Variants in PLXND1 observed in about 807,000 individuals in gnomAD.
PLXND1 encodes plexin D1.
PLXND1 carries 54 observed loss-of-function variants against 197.7 expected under a neutral mutation model. The ratio of observed to expected loss-of-function variants is 0.27; its 90% confidence interval spans 0.22 to 0.34. The LOEUF (loss-of-function observed/expected upper bound fraction) is 0.34. Among genes scored for constraint, PLXND1 ranks in the 10% least tolerant of loss-of-function variants. The pLI, the probability that PLXND1 is intolerant of heterozygous loss-of-function variation, is 1.00. For synonymous variants in PLXND1, 1,180 were observed against 1,161.2 expected, an observed-to-expected ratio of 1.02 and a Z score of -0.33; for missense variants, 2,127 against 2,699.2, an observed-to-expected ratio of 0.79 and a Z score of 4.70.
chr3:129,557,280 C>T lies in PLXND1; in HGVS notation c.5446-57G>A, dbSNP rs2084988697. ...CTGCTGGAGAAAGGACGGATCTGGTCGTTTTCTGGATGAGCCCTCATCCCT... is the reference window on the plus strand; with the variant it reads ...CTGCTGGAGAAAGGACGGATCTGGTTGTTTTCTGGATGAGCCCTCATCCCT... On this transcript the variant is annotated intron_variant, in intron 33 of 35. Transcript: ENST00000324093. This position sits in a 1 kb window ranked among gnomAD's most constrained non-coding sequence, Gnocchi z 4.8. 18 of 1,602,234 alleles carry T rather than the reference C, an allele frequency of 1.1e-5. No individual in the cohort carries two copies. Among genetic ancestry groups the T allele is most frequent in the South Asian group, 5.5e-5 (5 of 90,178 alleles).
chr3:129,559,404 C>T (rs1443069030), intron 32 of PLXND1: 4 of 499,150 alleles, frequency 8.0e-6, no homozygotes, highest in Non-Finnish European at 1.4e-5. Context: ...GGGCACTCTT[C>T]TAGTTAATTC....
rs1294443260 is a variant in PLXND1 at position 129,572,686 on chromosome 3, G to C, written c.3000C>G (p.Thr1000=). Residue 1000 remains threonine, a synonymous_variant, in exon 15 of 36, where the codon ACC becomes ACG. Coordinates refer to ENST00000324093, the MANE Select transcript of PLXND1 (RefSeq NM_015103.3). The stretch of plus-strand genomic sequence containing the variant: ...CTACATGGAGGTCATTCCCATGGAT[G>C]GTGATCCTGGTGCCCCCGGCCTTGG... ...MGPKAGGTRI[T]IHGNDLHVGS... The C allele has an allele frequency of 6.2e-7, 1 of 1,605,856 alleles. No homozygotes were observed. The highest frequency in any genetic ancestry group is 8.5e-7 in the Non-Finnish European group (1 of 1,175,542).
intron 2 of PLXND1, 41 bp downstream of exon 2, chr3:129,589,310 T>TGCCCCCCCCCC: frequency 4.0e-6 from 2 of 501,294 alleles, no homozygotes; most frequent in East Asian, 5.1e-5. Flanking sequence ...CAGGGGAGCC[T>TGCCCCCCCCCC]CCCACCCCCA....
chr3:129,566,014 G>A lies in PLXND1; in HGVS notation c.4195C>T (p.Pro1399Ser). ...TCCATGTTGGGCCGGCAGCTCTCAG[G>A]AATCTGTGGAAGCAACTGGTGATGG... ...THPLLGEWKI[P>S]ESCRPNMEEG... The change falls in exon 24 of 36, where the codon CCT becomes TCT. Residue 1399 changes from proline to serine, a missense_variant. Pro to Ser is a moderately conservative substitution (Grantham distance 74, BLOSUM62 -1). Transcript: ENST00000324093. 1.2e-6 allele frequency: 2 copies of A among 1,614,116 alleles called. No homozygotes were observed. Among genetic ancestry groups the A allele is most frequent in the Non-Finnish European group, 1.7e-6 (2 of 1,179,978 alleles).
chr3:129,600,743 C>T (rs2085695367), intron 1 of PLXND1, among the ~76,000 whole-genome samples: 1 of 151,784 alleles, frequency 6.6e-6, no homozygotes, highest in Non-Finnish European at 1.5e-5. Context: ...AGATCACTCC[C>T]AGCCCCCAGC....
chr3:129,560,855 A>AGAT (rs1465207313), intron 29 of PLXND1, 132 bp from the exon 30 acceptor site: 36 of 709,184 alleles, frequency 5.1e-5, no homozygotes, highest in South Asian at 4.4e-4. Flanking sequence ...AGAGACAGAA[A>AGAT]GATGGAGAGA....
At chr3:129,586,350 C>A in intron 3 of PLXND1, 78 bp from the exon 4 acceptor site, 2 of 1,209,150 alleles carry the variant, frequency 1.7e-6, no homozygotes, top group Non-Finnish European at 1.2e-6. Flanking sequence ...CAGCATGGTG[C>A]GGGCCATGAG....
intron 3 of PLXND1, 50 bp downstream of exon 3, chr3:129,586,538 G>C (rs2085463567): frequency 1.9e-6 from 3 of 1,551,994 alleles, no homozygotes; most frequent in Non-Finnish European, 2.6e-6. Context: ...AGGCAAGCAA[G>C]AGGGCTCGGC....
At chr3:129,605,150 T>A (rs772375559) in intron 1 of PLXND1, among the ~76,000 whole-genome samples, 179 bp downstream of exon 1, 1 of 152,082 alleles carries the variant, frequency 6.6e-6, no homozygotes, top group African/African-American at 2.4e-5. Flanking sequence ...CAGGCGCCAG[T>A]AGTACCCCTC....
chr3:129,558,393 T>A lies in PLXND1; in HGVS notation c.5445+35A>T. 1.9e-6 allele frequency: 3 copies of A among 1,600,156 alleles called. No individual in the cohort carries two copies. The highest frequency in any genetic ancestry group is 2.6e-6 in the Non-Finnish European group (3 of 1,171,104). ...TGGTCGGCACCCCACTCTGGCCCTG[T>A]GCATGGGCCTGGCCTGGTCCTGGGA... On this transcript the variant is annotated intron_variant, in intron 33 of 35. Coordinates refer to ENST00000324093, the MANE Select transcript of PLXND1 (RefSeq NM_015103.3). The surrounding 1 kb of genome is among the most constrained non-coding windows in gnomAD (Gnocchi z 4.1).
At position 129,594,384 on chromosome 3, in the gene PLXND1, G is replaced by A. The variant is rs141889094; in HGVS notation, c.1312-4857C>T. 2.6e-3 allele frequency among the ~76,000 whole-genome samples: 395 copies of A among 152,280 alleles called. 3 individuals are homozygous for A. The highest frequency in any genetic ancestry group is 7.8e-3 in the African/African-American group (324 of 41,548). Reference sequence around the variant, plus strand: ...CTGTAATCCCAGCGCTTTGGGAGGTGGACGTGGAAGGATCGCCTGAAGCCT... The same window carrying A: ...CTGTAATCCCAGCGCTTTGGGAGGTAGACGTGGAAGGATCGCCTGAAGCCT... On this transcript the variant is annotated intron_variant, in intron 1 of 35. Transcript: ENST00000324093.
intron 1 of PLXND1, among the ~76,000 whole-genome samples, chr3:129,590,334 C>T (rs992187668): frequency 1.3e-5 from 2 of 152,184 alleles, no homozygotes; most frequent in Admixed American, 1.3e-4. Context: ...TCCTACCTTC[C>T]CTCCCTTCTC....
In PLXND1 at chr3:129,600,566, T is replaced by C. The variant is rs1325846515; in HGVS notation, c.1311+4763A>G. On this transcript the variant is annotated intron_variant, in intron 1 of 35. Transcript: ENST00000324093. ...CCTGGGACACACAGCTTATGGACTG[T>C]ATGCCCATGTACCTGGGGGTCGAGA... is the stretch of plus-strand genomic sequence containing the variant. Among the ~76,000 whole-genome samples the C allele has an allele frequency of 2.0e-5, 3 of 152,058 alleles. No homozygotes were observed. The East Asian group carries it at 5.9e-4, about 30-fold the overall frequency.
At position 129,585,932 on chromosome 3, in the gene PLXND1, T is replaced by G. The variant is rs965119385; in HGVS notation, c.1851+20A>C. The G allele has an allele frequency of 2.5e-6, 4 of 1,613,564 alleles. No individual in the cohort carries two copies. In the African/African-American group the frequency reaches 4.0e-5, roughly 16 times the overall value. ...GCTCCCCTGTGTCCCGAGCTGGGTCTTGCCTCCCCCAGGACTCACTGGGTA... is the reference window on the plus strand; with the variant it reads ...GCTCCCCTGTGTCCCGAGCTGGGTCGTGCCTCCCCCAGGACTCACTGGGTA... On this transcript the variant is annotated intron_variant, in intron 5 of 35. Transcript: ENST00000324093.
chr3:129,602,634 G>T (rs1004436756), intron 1 of PLXND1, among the ~76,000 whole-genome samples: 1 of 152,196 alleles, frequency 6.6e-6, no homozygotes, highest in Non-Finnish European at 1.5e-5. Flanking sequence ...TGTCTATGGA[G>T]GTGTCATCTG....
At chr3:129,603,052 C>T (rs562798763) in intron 1 of PLXND1, among the ~76,000 whole-genome samples, 2 of 152,336 alleles carry the variant, frequency 1.3e-5, no homozygotes, top group East Asian at 3.9e-4. Flanking sequence ...ATCCCTCCCC[C>T]ACCCCTGCCC....
chr3:129,583,589 C>T lies in PLXND1; in HGVS notation c.2219G>A (p.Cys740Tyr). The T allele has an allele frequency of 1.2e-6, 2 of 1,613,860 alleles. No homozygotes were observed. The highest frequency in any genetic ancestry group is 2.2e-5 in the East Asian group (1 of 44,868). The change falls in exon 8 of 36, where the codon TGC becomes TAC. Residue 740 changes from cysteine (C) to tyrosine (Y), a missense_variant. Physicochemically the swap from Cys to Tyr is radical, Grantham distance 194. Around this residue, in one of 6 missense-constraint regions of PLXND1, gnomAD observed 1,095 missense variants for 1,259.8 expected, o/e 0.87. Coordinates refer to ENST00000324093, the MANE Select transcript of PLXND1 (RefSeq NM_015103.3). ...QHSCVSNQSR[C>Y]EASPNPTSPQ... Reference sequence around the variant, plus strand: ...TACCGTGGGGTTTGGTGAGGCCTCGCACCGAGACTGGTTGGAAACACAGGA... The same window carrying T: ...TACCGTGGGGTTTGGTGAGGCCTCGTACCGAGACTGGTTGGAAACACAGGA...
At chr3:129,586,833 T>C (rs1578345717) in intron 2 of PLXND1, 114 bp from the exon 3 acceptor site, 1 of 1,274,426 alleles carries the variant, frequency 7.8e-7, no homozygotes, top group East Asian at 2.5e-5. Context: ...TCTTGGACCC[T>C]TCAGGAGGGG....
At position 129,562,777 on chromosome 3, in the gene PLXND1, TC is replaced by T; in HGVS notation, c.4825+9del. ...CCTGACACGGGGTCTCTGCCCCCAT[TC>T]CCACCCACCAAGGTCGACGTCCTCT... On this transcript the variant is annotated intron_variant, in intron 27 of 35. Transcript: ENST00000324093. The T allele has an allele frequency of 6.3e-7, 1 of 1,587,214 alleles. No homozygotes were observed. The highest frequency in any genetic ancestry group is 8.6e-7 in the Non-Finnish European group (1 of 1,159,036).
Sources: allele counts gnomAD v4.1 joint callset (sites outside exome capture counted in the v4.1 genomes callset), GRCh38; gene constraint gnomAD v4.1.1; regional missense constraint gnomAD v4.1.1; non-coding constraint Gnocchi (gnomAD v3.1); transcripts MANE v1.5; gene names NCBI Gene and HGNC (gene_info 2026-07-23, HGNC 2026-07-21).